Variants in DNAJC5B observed in about 807,000 individuals in gnomAD.
The protein encoded by DNAJC5B is DnaJ heat shock protein family (Hsp40) member C5 beta.
A neutral mutation model predicts 24.7 loss-of-function variants in DNAJC5B; 23 were observed. The observed-to-expected ratio is 0.93, with a 90% CI of 0.67 to 1.32. DNAJC5B has a LOEUF of 1.32. DNAJC5B is among the 40% of genes most tolerant of loss of function. The probability of loss-of-function intolerance (pLI) is 0.00; values close to 1 mark genes in which losing one functional copy is unlikely to be tolerated. For synonymous variants in DNAJC5B, 101 were observed against 90.1 expected, an observed-to-expected ratio of 1.12 and a Z score of -0.68; for missense variants, 238 against 240.8, an observed-to-expected ratio of 0.99 and a Z score of 0.08.
intron 3 of DNAJC5B, among the ~76,000 whole-genome samples, chr8:66,071,099 C>G (rs531040460): frequency 3.6e-4 from 55 of 152,132 alleles, no homozygotes; most frequent in Non-Finnish European, 7.3e-4. Context: ...CATAAAAATC[C>G]TAGAGGAAAA....
chr8:66,069,377 C>T (rs796874006), intron 3 of DNAJC5B, among the ~76,000 whole-genome samples: 4 of 152,106 alleles, frequency 2.6e-5, no homozygotes, highest in African/African-American at 7.2e-5. Context: ...GGCAAAGATG[C>T]TATGCAGATG....
chr8:66,080,919 C>G (rs534243452), intron 5 of DNAJC5B, among the ~76,000 whole-genome samples: 1 of 152,064 alleles, frequency 6.6e-6, no homozygotes, highest in Non-Finnish European at 1.5e-5. Flanking sequence ...GTATTTCAGC[C>G]GGTTCCTTTA....
At chr8:66,053,315 C>T (rs1470443104) in intron 3 of DNAJC5B, among the ~76,000 whole-genome samples, 1 of 152,122 alleles carries the variant, frequency 6.6e-6, no homozygotes, top group Non-Finnish European at 1.5e-5. Context: ...ACTTGTGATA[C>T]TCTACCAGGA....
At chr8:66,094,458 G>C (rs1005312512) in intron 5 of DNAJC5B, among the ~76,000 whole-genome samples, 5 of 152,038 alleles carry the variant, frequency 3.3e-5, no homozygotes, top group African/African-American at 1.2e-4. Flanking sequence ...ATATAGAAAT[G>C]TACTTTTAAA....
intron 5 of DNAJC5B, among the ~76,000 whole-genome samples, chr8:66,096,384 A>G (rs190453227): frequency 1.1e-3 from 162 of 152,294 alleles, no homozygotes; most frequent in Middle Eastern, 0.01. Context: ...GGGAGACACA[A>G]TTCTGTCCAT....
upstream of DNAJC5B, among the ~76,000 whole-genome samples, chr8:66,016,874 G>GGA (rs1805967605): frequency 1.3e-5 from 2 of 152,126 alleles, no homozygotes; most frequent in Admixed American, 1.3e-4. Flanking sequence ...ATTAGCAGCA[G>GGA]TCTTTTGGAA....
chr8:66,100,123 T>C lies in DNAJC5B; in HGVS notation c.*92T>C, dbSNP rs1808044437. The C allele has an allele frequency of 2.9e-6, 3 of 1,048,804 alleles. No homozygotes were observed. The highest frequency in any genetic ancestry group is 2.1e-4 in the Middle Eastern group (1 of 4,726). The allele number at this position is 1,048,804 out of a possible 1,614,324, so 65.0% of individuals were successfully genotyped here. A position where few individuals can be genotyped will look rare whatever the true frequency, so the allele number is the denominator to read the frequency against. The stretch of plus-strand genomic sequence containing the variant: ...GGAGCGTGTGGGGCATAAAGTGCTG[T>C]GAACTTTTCCATCTTGTTGTTTTAT... On this transcript the variant is annotated 3_prime_UTR_variant, in exon 6 of 6. Transcript: ENST00000276570.
chr8:66,043,444 T>C (rs72650553), intron 1 of DNAJC5B, 44 bp from the exon 2 acceptor site: 24 of 152,322 alleles, frequency 1.6e-4, no homozygotes, highest in Non-Finnish European at 3.1e-4. Flanking sequence ...ATTGCAAGCT[T>C]TACGGTCATG....
chr8:66,050,586 T>G (rs1263110249), intron 2 of DNAJC5B, among the ~76,000 whole-genome samples: 3 of 152,230 alleles, frequency 2.0e-5, no homozygotes, highest in East Asian at 3.8e-4. Context: ...GGTCAGGTAC[T>G]TCTTCCTGGT....
intron 2 of DNAJC5B, among the ~76,000 whole-genome samples, chr8:66,045,999 C>A (rs1806715185): frequency 6.6e-6 from 1 of 152,098 alleles, no homozygotes; most frequent in African/African-American, 2.4e-5. Flanking sequence ...AAAATAAGAA[C>A]CAGGAGTTTG....
chr8:66,057,137 A>C (rs1806983534), intron 3 of DNAJC5B: 1 of 152,224 alleles, frequency 6.6e-6, no homozygotes, highest in African/African-American at 2.4e-5. Context: ...AGACTGTCTC[A>C]AAAAATAAAT....
Position 66,100,380 on chromosome 8 carries a change from C to T in DNAJC5B, c.*349C>T, listed in dbSNP as rs927441057. On this transcript the variant is annotated 3_prime_UTR_variant, in exon 6 of 6. Coordinates refer to ENST00000276570, the MANE Select transcript of DNAJC5B (RefSeq NM_033105.6). ...CCAAAGTAATATTCCAGAACAAAAG[C>T]CACTTTTCTTACATTTAACACAATA... 3 of 169,304 alleles carry T rather than the reference C, an allele frequency of 1.8e-5. No individual in the cohort carries two copies. In the Admixed American group the frequency reaches 1.8e-4, roughly 10 times the overall value. The allele number at this position is 169,304 out of a possible 1,614,324, so 10.5% of individuals were successfully genotyped here.
At chr8:66,088,308 G>T (rs545231864) in intron 5 of DNAJC5B, among the ~76,000 whole-genome samples, 2 of 152,320 alleles carry the variant, frequency 1.3e-5, no homozygotes, top group South Asian at 4.1e-4. Flanking sequence ...GAGCAGTGGG[G>T]CCCTGGCCCT....
At chr8:66,084,294 T>G (rs1280006791) in intron 5 of DNAJC5B, among the ~76,000 whole-genome samples, 1 of 152,154 alleles carries the variant, frequency 6.6e-6, no homozygotes, top group Non-Finnish European at 1.5e-5. Context: ...AAGAGTCTAC[T>G]AGCCACTTAA....
chr8:66,053,166 G>C (rs990879891), intron 3 of DNAJC5B, among the ~76,000 whole-genome samples: 4 of 151,780 alleles, frequency 2.6e-5, no homozygotes, highest in African/African-American at 9.7e-5. Flanking sequence ...TTGAACCCCT[G>C]ATTCAAGTAA....
At chr8:66,075,377 G>C (rs764681428) in intron 3 of DNAJC5B, among the ~76,000 whole-genome samples, 14 of 147,070 alleles carry the variant, frequency 9.5e-5, no homozygotes, top group East Asian at 5.8e-4. Context: ...TGGAACCATG[G>C]GGGGGGAAAT....
intron 5 of DNAJC5B, among the ~76,000 whole-genome samples, chr8:66,091,360 C>T (rs1807843004): frequency 6.6e-6 from 1 of 152,062 alleles, no homozygotes; most frequent in African/African-American, 2.4e-5. Context: ...CACTTTCCCA[C>T]GAAGTGACAT....
the DNAJC5B span, among the ~76,000 whole-genome samples, chr8:66,016,397 C>T: frequency 4.6e-5 from 7 of 152,060 alleles, no homozygotes; most frequent in East Asian, 7.7e-4. Context: ...GTTTTATAAG[C>T]GTCCGGCATT....
At chr8:66,083,974 C>T (rs765432117) in intron 5 of DNAJC5B, among the ~76,000 whole-genome samples, 3 of 152,132 alleles carry the variant, frequency 2.0e-5, no homozygotes, top group Non-Finnish European at 4.4e-5. Flanking sequence ...TCGTTAGGGC[C>T]CCAACAGGCC....
Sources: gnomAD v4.1 joint callset for allele counts (sites outside exome capture counted in the v4.1 genomes callset) on GRCh38, gnomAD v4.1.1 for gene constraint, MANE v1.5 for transcripts, NCBI Gene and HGNC (gene_info 2026-07-23, HGNC 2026-07-21) for gene names.